The following ASB18 variants were observed in gnomAD, a reference collection of about 807,000 sequenced individuals.
ASB18 encodes the protein ankyrin repeat and SOCS box protein 18.
ASB18 carries 33 observed loss-of-function variants against 33.4 expected under a neutral mutation model. The observed-to-expected ratio is 0.99, with a 90% CI of 0.75 to 1.32. The LOEUF (loss-of-function observed/expected upper bound fraction) is 1.32. ASB18 is among the 40% of genes most tolerant of loss of function. The pLI is 0.00. For synonymous variants in ASB18, 295 were observed against 307.6 expected (o/e 0.96, Z 0.43); for missense variants, 694 against 655.5 (o/e 1.06, Z -0.64).
rs2060605276 is a variant in ASB18, at chr2:236,238,173, A to C, written c.329-217T>G. On this transcript the variant is annotated intron_variant, in intron 2 of 5. Coordinates refer to ENST00000409749, the MANE Select transcript of ASB18 (RefSeq NM_212556.4). This position sits in a 1 kb window ranked among gnomAD's most constrained non-coding sequence, Gnocchi z 5.2. ...AGGCGTAGACAGAGGAAGAAATACA[A>C]AGGAGAGATTGAAGGCTAAAACCGA... Among the ~76,000 whole-genome samples, 1 of 152,072 alleles carries C rather than the reference A, an allele frequency of 6.6e-6. No individual in the cohort carries two copies. Among genetic ancestry groups the C allele is most frequent in the Non-Finnish European group, 1.5e-5 (1 of 68,020 alleles).
rs898888712 is a variant in ASB18, at chr2:236,260,498, C to T, written c.205+3643G>A. 1.3e-5 allele frequency among the ~76,000 whole-genome samples: 2 copies of T among 151,940 alleles called. No individual in the cohort carries two copies. Among genetic ancestry groups the T allele is most frequent in the Non-Finnish European group, 2.9e-5 (2 of 68,020 alleles). ...TACATGTAGCTTAGAATCCAAACAG[C>T]TCTTTCTCCCATCAAGGATGGTCCC... On this transcript the variant is annotated intron_variant, in intron 1 of 5. Transcript: ENST00000409749. This position sits in a 1 kb window ranked among gnomAD's most constrained non-coding sequence, Gnocchi z 5.1.
rs1159184501 is a variant in ASB18 at position 236,241,281 on chromosome 2, T to TG, written c.326dup (p.Gly110ArgfsTer10). On this transcript the variant is annotated frameshift_variant and splice_region_variant, in exon 2 of 6. Transcript: ENST00000409749. LOFTEE classifies it high-confidence loss of function. This position sits in a 1 kb window ranked among gnomAD's most constrained non-coding sequence, Gnocchi z 4.2. The stretch of plus-strand genomic sequence containing the variant: ...CTGAGCTTTAAAGAACAAGGGTACC[T>TG]GATAGTCCAAACGTGGCTGGAGATT... The TG allele has an allele frequency of 4.3e-6, 7 of 1,613,830 alleles. No homozygotes were observed. Among genetic ancestry groups the TG allele is most frequent in the Non-Finnish European group, 5.9e-6 (7 of 1,179,702 alleles).
chr2:236,244,306 A>G lies in ASB18; in HGVS notation c.206-2904T>C, dbSNP rs2060634688. On this transcript the variant is annotated intron_variant, in intron 1 of 5. Transcript: ENST00000409749. The surrounding 1 kb of genome is among the most constrained non-coding windows in gnomAD (Gnocchi z 6.1). ...GGGCTTTGCCTGGATGAGCAGAGAGAAGAGCAGTGCAGTATGGGCCCAGGA... is the reference window on the plus strand; with the variant it reads ...GGGCTTTGCCTGGATGAGCAGAGAGGAGAGCAGTGCAGTATGGGCCCAGGA... Among the ~76,000 whole-genome samples, 1 of 152,054 alleles carries G rather than the reference A, an allele frequency of 6.6e-6. No homozygotes were observed. The highest frequency in any genetic ancestry group is 2.4e-5 in the African/African-American group (1 of 41,420).
intron 4 of ASB18, among the ~76,000 whole-genome samples, chr2:236,207,432 C>G (rs748510914): frequency 4.6e-5 from 7 of 152,254 alleles, no homozygotes; most frequent in Non-Finnish European, 8.8e-5. Flanking sequence ...ATGGCACATA[C>G]TTTCTGAGAT....
chr2:236,236,451 C>T (rs2060589354), intron 3 of ASB18, among the ~76,000 whole-genome samples: 1 of 152,058 alleles, frequency 6.6e-6, no homozygotes, highest in South Asian at 2.1e-4. Context: ...CCATGGACTG[C>T]GGGGTGTTGC....
In ASB18 at chr2:236,248,637, A is replaced by T. The variant is rs575647526; in HGVS notation, c.206-7235T>A. On this transcript the variant is annotated intron_variant, in intron 1 of 5. Transcript: ENST00000409749. This position sits in a 1 kb window ranked among gnomAD's most constrained non-coding sequence, Gnocchi z 4.9. Reference sequence around the variant, plus strand: ...AAAAAAGAGTCCCCAGGTACTTCTAACATGCAGCCAAGGTTGAGAACCATT... The same window carrying T: ...AAAAAAGAGTCCCCAGGTACTTCTATCATGCAGCCAAGGTTGAGAACCATT... The T allele has an allele frequency of 6.6e-6, 1 of 152,340 alleles. No homozygotes were observed. The highest frequency in any genetic ancestry group is 1.9e-4 in the East Asian group (1 of 5,180). The allele number at this position is 152,340 out of a possible 1,614,324, so 9.4% of individuals were successfully genotyped here. A position where few individuals can be genotyped will look rare whatever the true frequency, so the allele number is the denominator to read the frequency against.
chr2:236,202,725 G>A (rs2060410118), intron 4 of ASB18, among the ~76,000 whole-genome samples: 1 of 143,254 alleles, frequency 7.0e-6, no homozygotes. Context: ...GTTGCAGTGA[G>A]TTGAGATCAC....
In ASB18 at chr2:236,205,083, C is replaced by G. The variant is rs1422211061; in HGVS notation, c.1102-8698G>C. On this transcript the variant is annotated intron_variant, in intron 4 of 5. Transcript: ENST00000409749. This position sits in a 1 kb window ranked among gnomAD's most constrained non-coding sequence, Gnocchi z 5.4. ...CTCATCTTTCGACATCTGTTCTCCTCTTTCTCAAGCATCTGCTTAACATGG... is the reference window on the plus strand; with the variant it reads ...CTCATCTTTCGACATCTGTTCTCCTGTTTCTCAAGCATCTGCTTAACATGG... Among the ~76,000 whole-genome samples the G allele has an allele frequency of 6.6e-6, 1 of 152,232 alleles. No individual in the cohort carries two copies. The highest frequency in any genetic ancestry group is 1.5e-5 in the Non-Finnish European group (1 of 68,044).
At chr2:236,206,978 C>T (rs981967638) in intron 4 of ASB18, among the ~76,000 whole-genome samples, 13 of 152,296 alleles carry the variant, frequency 8.5e-5, no homozygotes, top group South Asian at 2.1e-4. Flanking sequence ...GTCACAGAGA[C>T]GATGCAGGTG....
Position 236,223,261 on chromosome 2 carries a change from A to C in ASB18, c.597-8395T>G, listed in dbSNP as rs1198362555. ...GCAAGAATGGCCTAATACACTTCAC[A>C]TGCCCACTAAGCAGCATTTGACTTT... On this transcript the variant is annotated intron_variant, in intron 3 of 5. Coordinates refer to ENST00000409749, the MANE Select transcript of ASB18 (RefSeq NM_212556.4). This position sits in a 1 kb window ranked among gnomAD's most constrained non-coding sequence, Gnocchi z 4.6. 5.9e-5 allele frequency among the ~76,000 whole-genome samples: 9 copies of C among 152,314 alleles called. No homozygotes were observed. The South Asian group carries it at 1.9e-3, about 32-fold the overall frequency.
Position 236,219,130 on chromosome 2 carries a change from C to T in ASB18, c.597-4264G>A, listed in dbSNP as rs188444126. Among the ~76,000 whole-genome samples, 197 of 152,228 alleles carry T rather than the reference C, an allele frequency of 1.3e-3. 1 individual carries two copies. The highest frequency in any genetic ancestry group is 2.1e-3 in the Non-Finnish European group (146 of 68,014). ...GGCTTAAGTGATCCTCCTACCTTGG[C>T]CTCTCAAAGTGTTGAGATTACAGGC... On this transcript the variant is annotated intron_variant, in intron 3 of 5. Coordinates refer to ENST00000409749, the MANE Select transcript of ASB18 (RefSeq NM_212556.4). This position sits in a 1 kb window ranked among gnomAD's most constrained non-coding sequence, Gnocchi z 6.4.
Position 236,237,355 on chromosome 2 carries a change from GCGGGGCGGGGGC to G in ASB18, c.596+322_596+333del, listed in dbSNP as rs1358098201. On this transcript the variant is annotated intron_variant, in intron 3 of 5. Transcript: ENST00000409749. The surrounding 1 kb of genome is among the most constrained non-coding windows in gnomAD (Gnocchi z 6.2). ...AACCCGCGGGGGCCGGGGCCGGGGC[GCGGGGCGGGGGC>G]CGGGGCCGGGGCGCGGGGCGGGGGC... Among the ~76,000 whole-genome samples the G allele has an allele frequency of 2.7e-4, 12 of 44,476 alleles. No homozygotes were observed. Among genetic ancestry groups the G allele is most frequent in the African/African-American group, 9.7e-4 (12 of 12,392 alleles). 29.2% of individuals were successfully genotyped at this position (44,476 alleles called of 152,430 possible).
At chr2:236,236,326 G>C (rs1002340236) in intron 3 of ASB18, among the ~76,000 whole-genome samples, 3 of 152,126 alleles carry the variant, frequency 2.0e-5, no homozygotes, top group Non-Finnish European at 2.9e-5. Context: ...AGAAAATTCA[G>C]ACTAAGCCAA....
rs2060690419 is a variant in ASB18, at chr2:236,256,045, T to G, written c.205+8096A>C. 6.6e-6 allele frequency among the ~76,000 whole-genome samples: 1 copy of G among 152,200 alleles called. No individual in the cohort carries two copies. The highest frequency in any genetic ancestry group is 1.5e-5 in the Non-Finnish European group (1 of 68,034). ...TTTTTAATTTCTATGTATTCATTTGTTTTTTGGAGACCGGCTCTCACTGTT... is the reference window on the plus strand; with the variant it reads ...TTTTTAATTTCTATGTATTCATTTGGTTTTTGGAGACCGGCTCTCACTGTT... On this transcript the variant is annotated intron_variant, in intron 1 of 5. Coordinates refer to ENST00000409749, the MANE Select transcript of ASB18 (RefSeq NM_212556.4). This position sits in a 1 kb window ranked among gnomAD's most constrained non-coding sequence, Gnocchi z 4.7.
At chr2:236,207,617 C>CT (rs60279700) in intron 4 of ASB18, among the ~76,000 whole-genome samples, 2 of 80,072 alleles carry the variant, frequency 2.5e-5, no homozygotes, top group African/African-American at 2.6e-4. Flanking sequence ...AGCCGGGAGA[C>CT]GTGGAGGGAG....
rs1213002807 is a variant in ASB18 at position 236,204,811 on chromosome 2, T to G, written c.1102-8426A>C. On this transcript the variant is annotated intron_variant, in intron 4 of 5. Transcript: ENST00000409749. This position sits in a 1 kb window ranked among gnomAD's most constrained non-coding sequence, Gnocchi z 5.1. ...CCACATACCAAAAACTGAACTCCCT[T>G]GTTCACCAGGTCCCAACCTGCTGTG... Among the ~76,000 whole-genome samples the G allele has an allele frequency of 6.6e-6, 1 of 151,992 alleles. No individual in the cohort carries two copies. The highest frequency in any genetic ancestry group is 1.9e-4 in the East Asian group (1 of 5,190).
In ASB18 at chr2:236,214,394, A is replaced by T. The variant is rs1428040507; in HGVS notation, c.1069T>A (p.Ser357Thr). 6.3e-7 allele frequency: 1 copy of T among 1,576,502 alleles called. No homozygotes were observed. Among genetic ancestry groups the T allele is most frequent in the Non-Finnish European group, 8.6e-7 (1 of 1,166,632 alleles). Reference protein sequence around the residue: ...RTVQALLNHGSPTVWPDAFPK... With the variant: ...RTVQALLNHGTPTVWPDAFPK... Reference sequence around the variant, plus strand: ...AAGGCGTCGGGCCACACGGTGGGAGAGCCGTGGTTGAGCAGCGCCTGCACC... The same window carrying T: ...AAGGCGTCGGGCCACACGGTGGGAGTGCCGTGGTTGAGCAGCGCCTGCACC... The change falls in exon 4 of 6, where the codon TCT becomes ACT. Residue 357 changes from serine to threonine, a missense_variant. Transcript: ENST00000409749. This position sits in a 1 kb window ranked among gnomAD's most constrained non-coding sequence, Gnocchi z 6.5.
chr2:236,195,108 A>C lies in ASB18; in HGVS notation c.1216-51T>G. On this transcript the variant is annotated intron_variant, in intron 5 of 5. Coordinates refer to ENST00000409749, the MANE Select transcript of ASB18 (RefSeq NM_212556.4). The surrounding 1 kb of genome is among the most constrained non-coding windows in gnomAD (Gnocchi z 5.5). ...AAATCTGGGCACGTGGAACCAACAT[A>C]CGTTTTCTTCTTAGCCAGACCACTG... 6.5e-7 allele frequency: 1 copy of C among 1,536,710 alleles called. No individual in the cohort carries two copies. The highest frequency in any genetic ancestry group is 8.9e-7 in the Non-Finnish European group (1 of 1,128,316).
chr2:236,251,689 A>G lies in ASB18; in HGVS notation c.206-10287T>C, dbSNP rs571749230. Among the ~76,000 whole-genome samples the G allele has an allele frequency of 1.2e-4, 19 of 152,356 alleles. No individual in the cohort carries two copies. The highest frequency in any genetic ancestry group is 2.1e-4 in the Non-Finnish European group (14 of 68,030). ...CCAGAATTAGAACTTTAAACTTCCA[A>G]CGGAAAAACAGGAAAAAAAATGATA... On this transcript the variant is annotated intron_variant, in intron 1 of 5. Coordinates refer to ENST00000409749, the MANE Select transcript of ASB18 (RefSeq NM_212556.4). The surrounding 1 kb of genome is among the most constrained non-coding windows in gnomAD (Gnocchi z 5.3).
Sources: allele counts gnomAD v4.1 joint callset (sites outside exome capture counted in the v4.1 genomes callset), GRCh38; gene constraint gnomAD v4.1.1; non-coding constraint Gnocchi (gnomAD v3.1); transcripts MANE v1.5; gene names NCBI Gene and HGNC (gene_info 2026-07-23, HGNC 2026-07-21).